The following SIPA1L1 variants were observed in gnomAD, a reference collection of about 807,000 sequenced individuals.
The protein encoded by SIPA1L1 is signal induced proliferation associated 1 like 1.
In SIPA1L1, 26 loss-of-function variants were observed where a neutral mutation model predicts 162.7. The ratio of observed to expected loss-of-function variants is 0.16; its 90% CI spans 0.12 to 0.22. The LOEUF is 0.22. Among genes scored for constraint, SIPA1L1 ranks in the 10% least tolerant of loss-of-function variants. SIPA1L1 has a pLI of 1.00. For synonymous variants in SIPA1L1, 829 were observed against 837.4 expected, an observed-to-expected ratio of 0.99 and a Z score of 0.17; for missense variants, 1,874 against 2,241.0, an observed-to-expected ratio of 0.84 and a Z score of 3.31.
intron 2 of SIPA1L1, among the ~76,000 whole-genome samples, chr14:71,434,722 G>T (rs1314637869): frequency 6.6e-6 from 1 of 152,140 alleles, no homozygotes; most frequent in African/African-American, 2.4e-5. Flanking sequence ...GGGACAACAG[G>T]TGTGCACCAC....
intron 13 of SIPA1L1, among the ~76,000 whole-genome samples, chr14:71,698,685 A>G: frequency 6.6e-6 from 1 of 152,220 alleles, no homozygotes; most frequent in East Asian, 1.9e-4. Context: ...GAAACTGCAT[A>G]AGTAATTTAG....
At chr14:71,571,798 TGC>T (rs2032097520) in intron 4 of SIPA1L1, among the ~76,000 whole-genome samples, 1 of 150,020 alleles carries the variant, frequency 6.7e-6, no homozygotes, top group African/African-American at 2.5e-5. Context: ...CCTGCCACCA[TGC>T]CTGGCTCATT....
chr14:71,537,901 A>G lies in SIPA1L1; in HGVS notation c.-303+8531A>G, dbSNP rs867949752. 3.7e-4 allele frequency among the ~76,000 whole-genome samples: 56 copies of G among 152,302 alleles called. 1 individual carries two copies. The highest frequency in any genetic ancestry group is 1.3e-3 in the African/African-American group (52 of 41,580). On this transcript the variant is annotated intron_variant, in intron 4 of 23. Transcript: ENST00000381232. ...TTTAGCTGTTTCTGTGTGACCCTGA[A>G]TTGGACCAGGTAACTGCCATTTTCT...
intron 2 of SIPA1L1, among the ~76,000 whole-genome samples, chr14:71,479,401 T>C (rs1057045670): frequency 1.4e-5 from 2 of 146,850 alleles, no homozygotes; most frequent in Non-Finnish European, 3.0e-5. Flanking sequence ...ATTCATTCAT[T>C]CATTCATTTC....
intron 17 of SIPA1L1, among the ~76,000 whole-genome samples, chr14:71,719,119 T>A (rs915024989): frequency 6.6e-6 from 1 of 151,924 alleles, no homozygotes; most frequent in African/African-American, 2.4e-5. Flanking sequence ...TTTTTATTTT[T>A]TATGGAAACA....
At chr14:71,508,982 A>T (rs1263310262) in intron 2 of SIPA1L1, among the ~76,000 whole-genome samples, 1 of 151,042 alleles carries the variant, frequency 6.6e-6, no homozygotes, top group African/African-American at 2.4e-5. Context: ...TTCCCATAAG[A>T]TGTGTGAGTT....
chr14:71,495,462 G>T (rs2049666120), intron 2 of SIPA1L1, among the ~76,000 whole-genome samples: 1 of 151,266 alleles, frequency 6.6e-6, no homozygotes, highest in Admixed American at 6.6e-5. Flanking sequence ...ATACTGTAGG[G>T]TCAATAGTGA....
intron 2 of SIPA1L1, among the ~76,000 whole-genome samples, chr14:71,366,399 T>G (rs1453038984): frequency 1.3e-5 from 2 of 152,154 alleles, no homozygotes; most frequent in African/African-American, 4.8e-5. Context: ...ACATTGAATT[T>G]AGAGTTGGGA....
intron 5 of SIPA1L1, among the ~76,000 whole-genome samples, chr14:71,616,145 G>A (rs1006843956): frequency 2.0e-5 from 3 of 152,180 alleles, no homozygotes; most frequent in Non-Finnish European, 2.9e-5. Context: ...GGAAGAGGGA[G>A]GAAAACTGAG....
intron 7 of SIPA1L1, among the ~76,000 whole-genome samples, chr14:71,624,480 A>G (rs1337576284): frequency 6.6e-6 from 1 of 152,170 alleles, no homozygotes; most frequent in Non-Finnish European, 1.5e-5. Context: ...AATTCTTTTG[A>G]TAATCTTCCA....
At chr14:71,714,119 A>T (rs1216216251) in intron 17 of SIPA1L1, among the ~76,000 whole-genome samples, 1 of 151,884 alleles carries the variant, frequency 6.6e-6, no homozygotes, top group Non-Finnish European at 1.5e-5. Flanking sequence ...TACAATAAAC[A>T]TTCACGATTA....
chr14:71,635,978 G>A (rs781709016), intron 7 of SIPA1L1, among the ~76,000 whole-genome samples: 11 of 152,158 alleles, frequency 7.2e-5, no homozygotes, highest in Non-Finnish European at 1.5e-4. Flanking sequence ...GAGGATCATT[G>A]CATAATGATG....
intron 4 of SIPA1L1, among the ~76,000 whole-genome samples, chr14:71,531,439 G>T (rs1334314067): frequency 6.6e-6 from 1 of 152,054 alleles, no homozygotes; most frequent in East Asian, 1.9e-4. Context: ...AGTCATCTGG[G>T]AGCCTCCTTG....
At chr14:71,382,735 G>A (rs558459560) in intron 2 of SIPA1L1, among the ~76,000 whole-genome samples, 1 of 152,298 alleles carries the variant, frequency 6.6e-6, no homozygotes, top group African/African-American at 2.4e-5. Context: ...TTAATTAAAG[G>A]AGAGAGTATT....
chr14:71,397,142 A>C (rs999557740), intron 2 of SIPA1L1, among the ~76,000 whole-genome samples: 3 of 152,142 alleles, frequency 2.0e-5, no homozygotes, highest in African/African-American at 7.2e-5. Context: ...GTTTCTGAGA[A>C]TAGTGTATTT....
intron 13 of SIPA1L1, among the ~76,000 whole-genome samples, chr14:71,690,853 T>C (rs141783141): frequency 1.2e-4 from 19 of 152,346 alleles, no homozygotes; most frequent in Non-Finnish European, 2.1e-4. Flanking sequence ...TGGTCTCTTT[T>C]TCACTTTTCA....
intron 2 of SIPA1L1, among the ~76,000 whole-genome samples, chr14:71,392,402 A>T (rs899780118): frequency 6.6e-6 from 1 of 152,162 alleles, no homozygotes; most frequent in Non-Finnish European, 1.5e-5. Flanking sequence ...CTTCTCCCTA[A>T]ACATTCCTCT....
intron 2 of SIPA1L1, among the ~76,000 whole-genome samples, chr14:71,340,244 T>G (rs923358950): frequency 1.3e-5 from 2 of 149,084 alleles, no homozygotes; most frequent in Admixed American, 1.3e-4. Flanking sequence ...TCAGGGACTG[T>G]TTTTTTTTTC....
At position 71,588,130 on chromosome 14, in the gene SIPA1L1, A is replaced by G. The variant is rs566975066; in HGVS notation, c.258A>G (p.Arg86=). 91 of 1,614,198 alleles carry G rather than the reference A, an allele frequency of 5.6e-5. 1 individual carries two copies. In the South Asian group the frequency reaches 9.7e-4, roughly 17 times the overall value. The change falls in exon 5 of 24, where the codon AGA becomes AGG. Residue 86 remains arginine, a synonymous_variant. Coordinates refer to ENST00000381232, the MANE Select transcript of SIPA1L1 (RefSeq NM_001386936.1). The surrounding 1 kb of genome is among the most constrained non-coding windows in gnomAD (Gnocchi z 4.3). ...VRARIADWPP[R]KENIKESSRS... is the part of the protein sequence containing the mutation. ...CAAGGATTGCAGATTGGCCCCCAAG[A>G]AAGGAAAACATAAAAGAATCTAGCC...
Sources: gnomAD v4.1 joint callset for allele counts (sites outside exome capture counted in the v4.1 genomes callset) on GRCh38, gnomAD v4.1.1 for gene constraint, Gnocchi (gnomAD v3.1) non-coding constraint, MANE v1.5 for transcripts, NCBI Gene and HGNC (gene_info 2026-07-23, HGNC 2026-07-21) for gene names.